The following HNF4G variants were observed in gnomAD, a reference collection of about 807,000 sequenced individuals.
HNF4G encodes hepatocyte nuclear factor 4-gamma.
Under a neutral mutation model 50.9 loss-of-function variants are expected in HNF4G, and 21 were observed. The ratio of observed to expected loss-of-function variants is 0.41; its 90% CI spans 0.29 to 0.59. The LOEUF is 0.59. HNF4G is among the 20% of genes least tolerant of loss of function. HNF4G has a pLI of 0.26. For missense variants in HNF4G, 527 were observed against 559.4 expected (o/e 0.94, Z 0.58); for synonymous variants, 198 against 185.6 (o/e 1.07, Z -0.54).
At chr8:75,422,026 A>G (rs907443827) in intron 1 of HNF4G, among the ~76,000 whole-genome samples, 3 of 152,220 alleles carry the variant, frequency 2.0e-5, no homozygotes, top group African/African-American at 7.2e-5. Context: ...TTGAGAAAAC[A>G]GTAGCAAAAG....
At chr8:75,412,094 C>T (rs961404606) in intron 1 of HNF4G, among the ~76,000 whole-genome samples, 3 of 152,126 alleles carry the variant, frequency 2.0e-5, no homozygotes, top group African/African-American at 4.8e-5. Context: ...ACACAAAGTA[C>T]TTATAACTTC....
At chr8:75,418,457 G>T (rs1423479679) in intron 1 of HNF4G, among the ~76,000 whole-genome samples, 2 of 152,138 alleles carry the variant, frequency 1.3e-5, no homozygotes, top group East Asian at 3.9e-4. Context: ...ATTTGTTTTC[G>T]ACTATCAATT....
chr8:75,529,130 CA>C (rs34899143), intron 2 of HNF4G, among the ~76,000 whole-genome samples: 3,098 of 148,852 alleles, frequency 0.021, 46 homozygotes, highest in African/African-American at 0.041. Flanking sequence ...ACTAAAAATA[CA>C]AAAAAAAAAA....
chr8:75,431,878 A>T (rs1047063685), intron 1 of HNF4G, among the ~76,000 whole-genome samples: 1 of 151,820 alleles, frequency 6.6e-6, no homozygotes, highest in Non-Finnish European at 1.5e-5. Flanking sequence ...GTGAGCCAAG[A>T]TCGCACCATT....
chr8:75,494,127 G>C (rs905270080), intron 2 of HNF4G, among the ~76,000 whole-genome samples: 6 of 152,066 alleles, frequency 3.9e-5, no homozygotes, highest in Admixed American at 1.3e-4. Flanking sequence ...AACAATTGTA[G>C]AGAAATCAAA....
intron 8 of HNF4G, among the ~76,000 whole-genome samples, 199 bp downstream of exon 8, chr8:75,559,236 A>T (rs1807228438): frequency 1.3e-5 from 2 of 150,844 alleles, no homozygotes; most frequent in Admixed American, 1.3e-4. Flanking sequence ...AGAGACAAAA[A>T]TACTTGAACA....
At chr8:75,467,525 T>C (rs940046335) in intron 1 of HNF4G, among the ~76,000 whole-genome samples, 4 of 152,074 alleles carry the variant, frequency 2.6e-5, no homozygotes, top group Non-Finnish European at 5.9e-5. Flanking sequence ...CTGAGCGTGG[T>C]GGCACACACC....
intron 1 of HNF4G, among the ~76,000 whole-genome samples, chr8:75,418,624 G>A (rs560924694): frequency 2.6e-5 from 4 of 151,878 alleles, no homozygotes; most frequent in Non-Finnish European, 4.4e-5. Flanking sequence ...AGGACAAATG[G>A]CAAAATTGAT....
At chr8:75,503,119 A>G (rs1380693) in intron 2 of HNF4G, among the ~76,000 whole-genome samples, 42,624 of 152,018 alleles carry the variant, frequency 0.28, 7,447 homozygotes, top group African/African-American at 0.5. Context: ...AAAACTTCAT[A>G]GGTAAATCAT....
At position 75,540,494 on chromosome 8, in the gene HNF4G, A is replaced by C. The variant is rs201869856; in HGVS notation, c.118+414A>C. 5.3e-5 allele frequency among the ~76,000 whole-genome samples: 8 copies of C among 152,264 alleles called. No homozygotes were observed. The East Asian group carries it at 1.5e-3, about 29-fold the overall frequency. The stretch of plus-strand genomic sequence containing the variant: ...CATAGAACATTAGGGAGTTTCACTG[A>C]TTGTCTACCCTTTTCCTTATAATTC... On this transcript the variant is annotated intron_variant, in intron 1 of 9. Coordinates refer to ENST00000396423, the MANE Select transcript of HNF4G (RefSeq NM_004133.5).
chr8:75,545,239 ATG>A (rs57486410), intron 2 of HNF4G, among the ~76,000 whole-genome samples: 7,917 of 145,452 alleles, frequency 0.054, 236 homozygotes, highest in African/African-American at 0.074. Context: ...TTAAAATTGA[ATG>A]TGTGTGTGTG....
At chr8:75,518,057 AT>A (rs1048643851) in intron 2 of HNF4G, among the ~76,000 whole-genome samples, 11 of 151,254 alleles carry the variant, frequency 7.3e-5, no homozygotes, top group Middle Eastern at 3.4e-3. Context: ...TTACATATGT[AT>A]ACTTATGCCA....
At chr8:75,430,403 T>C (rs1164523415) in intron 1 of HNF4G, among the ~76,000 whole-genome samples, 1 of 151,604 alleles carries the variant, frequency 6.6e-6, no homozygotes, top group Non-Finnish European at 1.5e-5. Flanking sequence ...TACCTCTGCA[T>C]GAATAGGATC....
chr8:75,515,271 T>C (rs1303998753), intron 2 of HNF4G, among the ~76,000 whole-genome samples: 2 of 152,240 alleles, frequency 1.3e-5, no homozygotes, highest in African/African-American at 4.8e-5. Context: ...TTTGCTCTCC[T>C]TCCTGTAGTT....
intron 1 of HNF4G, among the ~76,000 whole-genome samples, chr8:75,420,223 A>G (rs1365818783): frequency 6.6e-6 from 1 of 152,184 alleles, no homozygotes. Flanking sequence ...CTTTATCTCT[A>G]CTGCTGCTAT....
chr8:75,441,031 T>G (rs1809566856), intron 1 of HNF4G, among the ~76,000 whole-genome samples: 1 of 152,038 alleles, frequency 6.6e-6, no homozygotes, highest in East Asian at 1.9e-4. Context: ...AATTTTAAAT[T>G]TTTTTGTAGA....
Position 75,489,855 on chromosome 8 carries a change from C to T in HNF4G, c.-143-234C>T, listed in dbSNP as rs113390458. ...GATATTATGTCTATCATGACATGACCGCTTATTTCATGTTGACTTGTTGTT... is the reference window on the plus strand; with the variant it reads ...GATATTATGTCTATCATGACATGACTGCTTATTTCATGTTGACTTGTTGTT... On this transcript the variant is annotated intron_variant, in intron 1 of 10. Coordinates refer to the HNF4G transcript ENST00000354370. Among the ~76,000 whole-genome samples, 460 of 152,224 alleles carry T rather than the reference C, an allele frequency of 3.0e-3. 2 individuals carry two copies. The highest frequency in any genetic ancestry group is 5.2e-3 in the Non-Finnish European group (352 of 68,016).
intron 1 of HNF4G, among the ~76,000 whole-genome samples, chr8:75,448,216 A>G (rs1292027705): frequency 7.2e-6 from 1 of 139,216 alleles, no homozygotes; most frequent in East Asian, 2.2e-4. Flanking sequence ...TCTCACTCAT[A>G]GGTGGGAATT....
intron 1 of HNF4G, among the ~76,000 whole-genome samples, chr8:75,432,612 T>C (rs1351380018): frequency 1.3e-5 from 2 of 152,162 alleles, no homozygotes; most frequent in Non-Finnish European, 2.9e-5. Flanking sequence ...GAATTTACCT[T>C]TTAAATAACA....
Sources: allele counts gnomAD v4.1 joint callset (sites outside exome capture counted in the v4.1 genomes callset), GRCh38; gene constraint gnomAD v4.1.1; transcripts MANE v1.5; gene names NCBI Gene and HGNC (gene_info 2026-07-23, HGNC 2026-07-21).